Variants in PCDHGB6 observed in about 807,000 individuals in gnomAD.
PCDHGB6 encodes protocadherin gamma-B6.
Under a neutral mutation model 59.1 loss-of-function variants are expected in PCDHGB6, and 51 were observed. The observed-to-expected ratio is 0.86, with a 90% CI of 0.69 to 1.09. The LOEUF is 1.09. Ranked by LOEUF, PCDHGB6 falls within the 50% of genes least tolerant of loss-of-function variation. The pLI, the probability that PCDHGB6 is intolerant of heterozygous loss-of-function variation, is 0.00. For missense variants in PCDHGB6, 1,148 were observed against 1,205.1 expected (o/e 0.95, Z 0.70); for synonymous variants, 466 against 495.1 (o/e 0.94, Z 0.78).
rs149314216 is a variant in PCDHGB6, at chr5:141,487,041, G to A, written c.2419-7766G>A. 2.1e-3 allele frequency: 3,442 copies of A among 1,614,128 alleles called. 3 individuals carry two copies. Among genetic ancestry groups the A allele is most frequent in the Non-Finnish European group, 2.7e-3 (3,235 of 1,180,026 alleles). ...GATCCCAGCCTGTTTGCAGTCTCTC[G>A]ATATGCTGGGGAGGTGCGGACGGCT... On this transcript the variant is annotated intron_variant, in intron 1 of 3. Transcript: ENST00000520790. The surrounding 1 kb of genome is among the most constrained non-coding windows in gnomAD (Gnocchi z 5.0).
Position 141,490,446 on chromosome 5 carries a change from C to T in PCDHGB6, c.2419-4361C>T, listed in dbSNP as rs779502898. 2.5e-6 allele frequency: 4 copies of T among 1,614,196 alleles called. No homozygotes were observed. The highest frequency in any genetic ancestry group is 3.4e-6 in the Non-Finnish European group (4 of 1,180,016). ...CATTTCAGATTAAGCCTTCTGAGAA[C>T]CACTACTCGCTGCTAACCAGCCAGC... On this transcript the variant is annotated intron_variant, in intron 1 of 3. Coordinates refer to ENST00000520790, the MANE Select transcript of PCDHGB6 (RefSeq NM_018926.3). The surrounding 1 kb of genome is among the most constrained non-coding windows in gnomAD (Gnocchi z 5.4).
intron 2 of PCDHGB6, among the ~76,000 whole-genome samples, chr5:141,501,258 T>G (rs2099806611): frequency 1.3e-5 from 2 of 150,950 alleles, no homozygotes; most frequent in South Asian, 4.2e-4. Flanking sequence ...GGGAGTATTT[T>G]ATTATAGTCC....
chr5:141,414,867 C>T (rs2095797355), intron 1 of PCDHGB6: 9 of 1,614,230 alleles, frequency 5.6e-6, no homozygotes, highest in South Asian at 1.1e-5. Flanking sequence ...ACAATGCGCC[C>T]GAGATCCTGT....
intron 1 of PCDHGB6, among the ~76,000 whole-genome samples, chr5:141,472,310 G>A (rs2099276586): frequency 6.6e-6 from 1 of 152,040 alleles, no homozygotes; most frequent in Non-Finnish European, 1.5e-5. Flanking sequence ...GGGAAGCCGA[G>A]GCAGGCAGAT....
intron 1 of PCDHGB6, among the ~76,000 whole-genome samples, chr5:141,469,212 G>A (rs114294512): frequency 0.021 from 3,174 of 151,360 alleles, 54 homozygotes; most frequent in Non-Finnish European, 0.032. Flanking sequence ...TTGAAGTTGA[G>A]GCTTCAGTGA....
chr5:141,501,228 A>G (rs1054674676), intron 2 of PCDHGB6, among the ~76,000 whole-genome samples: 10 of 149,588 alleles, frequency 6.7e-5, no homozygotes, highest in African/African-American at 2.5e-4. Context: ...TAGATTTCTC[A>G]GTTTTTTGAG....
At position 141,505,403 on chromosome 5, in the gene PCDHGB6, G is replaced by A; in HGVS notation, c.2488G>A (p.Gly830Ser). The A allele has an allele frequency of 6.2e-7, 1 of 1,614,186 alleles. No individual in the cohort carries two copies. The highest frequency in any genetic ancestry group is 8.5e-7 in the Non-Finnish European group (1 of 1,180,038). ...QRPGTSGSQN[G>S]DDTGTWPNNQ... ...CTACTCTCTCCCCAGCTCCCAAAAT[G>A]GCGATGACACCGGCACCTGGCCCAA... Residue 830 changes from glycine (G) to serine (S), a missense_variant, in exon 3 of 4, where the codon GGC (glycine) becomes AGC (serine). This residue lies in a region of PCDHGB6 where 283 missense variants were observed against 318.6 expected (regional missense o/e 0.89). Coordinates refer to ENST00000520790, the MANE Select transcript of PCDHGB6 (RefSeq NM_018926.3).
intron 1 of PCDHGB6, among the ~76,000 whole-genome samples, chr5:141,444,199 T>C (rs2098425653): frequency 7.4e-6 from 1 of 134,516 alleles, no homozygotes; most frequent in African/African-American, 2.9e-5. Context: ...GAGATGGAGT[T>C]TCACTCTTGT....
chr5:141,489,701 T>C lies in PCDHGB6; in HGVS notation c.2419-5106T>C, dbSNP rs1038902932. The C allele has an allele frequency of 1.9e-6, 3 of 1,614,128 alleles. No homozygotes were observed. The highest frequency in any genetic ancestry group is 2.5e-6 in the Non-Finnish European group (3 of 1,179,944). On this transcript the variant is annotated intron_variant, in intron 1 of 3. Transcript: ENST00000520790. The surrounding 1 kb of genome is among the most constrained non-coding windows in gnomAD (Gnocchi z 4.5). ...GCAGCATCTGGGGCACGATTCCCAC[T>C]GGACAGTGCCCAGGATCCGGATGTG...
intron 1 of PCDHGB6, among the ~76,000 whole-genome samples, chr5:141,448,632 T>G (rs1383720361): frequency 1.3e-5 from 2 of 152,106 alleles, no homozygotes; most frequent in Admixed American, 1.3e-4. Context: ...TTCTTCACAT[T>G]ATATCCTTTA....
At chr5:141,492,993 G>A (rs952802686) in intron 1 of PCDHGB6, among the ~76,000 whole-genome samples, 5 of 152,216 alleles carry the variant, frequency 3.3e-5, no homozygotes, top group African/African-American at 1.2e-4. Flanking sequence ...CTGGCAGATG[G>A]AAAGCTATAG....
chr5:141,466,090 C>A (rs983505253), intron 1 of PCDHGB6, among the ~76,000 whole-genome samples: 2 of 152,068 alleles, frequency 1.3e-5, no homozygotes, highest in African/African-American at 4.8e-5. Context: ...CCACTGCACT[C>A]CAGCCTGGGC....
chr5:141,426,275 G>A (rs531044481), intron 1 of PCDHGB6: 2 of 164,168 alleles, frequency 1.2e-5, no homozygotes, highest in East Asian at 1.6e-4. Context: ...CTGCAGCAAC[G>A]CATGGGAAGG....
intron 2 of PCDHGB6, among the ~76,000 whole-genome samples, chr5:141,502,947 G>A (rs933409229): frequency 3.0e-4 from 45 of 151,030 alleles, no homozygotes; most frequent in Admixed American, 1.8e-3. Context: ...GGGTTCAAGC[G>A]ATTCTCCTGC....
Position 141,409,566 on chromosome 5 carries a change from C to T in PCDHGB6, c.1364C>T (p.Thr455Met). 2.5e-6 allele frequency: 4 copies of T among 1,613,978 alleles called. No homozygotes were observed. Among genetic ancestry groups the T allele is most frequent in the Middle Eastern group, 1.6e-4 (1 of 6,062 alleles). ...GACAACGCCCCAGTTTTCGACCAGACGTCCTACGTGGTCCACGTGGCCGAG... is the reference window on the plus strand; with the variant it reads ...GACAACGCCCCAGTTTTCGACCAGATGTCCTACGTGGTCCACGTGGCCGAG... Reference protein sequence around the residue: ...INDNAPVFDQTSYVVHVAENN... With the variant: ...INDNAPVFDQMSYVVHVAENN... The change falls in exon 1 of 4, where the codon ACG (threonine) becomes ATG (methionine). Residue 455 changes from threonine (T) to methionine (M), a missense_variant. Physicochemically the swap from Thr to Met is moderately conservative, Grantham distance 81. Around this residue, in one of 5 missense-constraint regions of PCDHGB6, gnomAD observed 549 missense variants for 527.5 expected, o/e 1.04. Transcript: ENST00000520790.
At chr5:141,467,361 G>T (rs555435172) in intron 1 of PCDHGB6, among the ~76,000 whole-genome samples, 2 of 151,742 alleles carry the variant, frequency 1.3e-5, no homozygotes, top group Non-Finnish European at 2.9e-5. Flanking sequence ...CCAAATCAAC[G>T]TTTTCTTATA....
At position 141,422,099 on chromosome 5, in the gene PCDHGB6, A is replaced by G. The variant is rs374091819; in HGVS notation, c.2418+11479A>G. ...CGGAACATGGAAAGCAAGGCTTCTG[A>G]AATATTCCAATTGGATTCACAAACT... On this transcript the variant is annotated intron_variant, in intron 1 of 3. Transcript: ENST00000520790. 1.9e-6 allele frequency: 3 copies of G among 1,609,706 alleles called. No homozygotes were observed. The African/African-American group carries it at 4.0e-5, about 22-fold the overall frequency.
At chr5:141,450,796 G>GTATT (rs1490825772) in intron 1 of PCDHGB6, among the ~76,000 whole-genome samples, 8 of 145,976 alleles carry the variant, frequency 5.5e-5, no homozygotes, top group African/African-American at 1.8e-4. Flanking sequence ...CCTCATGATT[G>GTATT]TATTTATTTA....
At position 141,410,538 on chromosome 5, in the gene PCDHGB6, T is replaced by C. The variant is rs373020361; in HGVS notation, c.2336T>C (p.Met779Thr). The C allele has an allele frequency of 5.6e-6, 9 of 1,613,830 alleles. No homozygotes were observed. The South Asian group carries it at 7.7e-5, about 14-fold the overall frequency. Residue 779 changes from methionine (M) to threonine (T), a missense_variant, in exon 1 of 4, where the codon ATG becomes ACG. By Grantham distance (81) the Met-to-Thr change is moderately conservative. Around this residue, in one of 5 missense-constraint regions of PCDHGB6, gnomAD observed 283 missense variants for 318.6 expected, o/e 0.89. Transcript: ENST00000520790. ...CSVPLHSNED[M>T]VCSVSPGALI... ...GTGCCCCTACATTCCAATGAAGACA[T>C]GGTTTGCAGTGTTTCTCCTGGAGCC...
Sources: allele counts gnomAD v4.1 joint callset (sites outside exome capture counted in the v4.1 genomes callset), GRCh38; gene constraint gnomAD v4.1.1; regional missense constraint gnomAD v4.1.1; non-coding constraint Gnocchi (gnomAD v3.1); transcripts MANE v1.5; gene names NCBI Gene and HGNC (gene_info 2026-07-23, HGNC 2026-07-21).